CACNB2: variants seen among roughly 807,000 people sequenced by gnomAD.
CACNB2 encodes the protein voltage-dependent L-type calcium channel subunit beta-2.
A neutral mutation model predicts 73.3 loss-of-function variants in CACNB2; 42 were observed. The observed-to-expected ratio is 0.57, with a 90% CI of 0.45 to 0.74. CACNB2 has a LOEUF of 0.74. CACNB2 is among the 30% of genes least tolerant of loss of function. The pLI, the probability that CACNB2 is intolerant of heterozygous loss-of-function variation, is 0.00. For synonymous variants in CACNB2, 348 were observed against 310.3 expected, an observed-to-expected ratio of 1.12 and a Z score of -1.28; for missense variants, 940 against 853.0, an observed-to-expected ratio of 1.10 and a Z score of -1.27.
Position 18,140,619 on chromosome 10 carries a change from G to C in CACNB2, c.-118G>C. 3.7e-6 allele frequency: 3 copies of C among 813,444 alleles called. No individual in the cohort carries two copies. The South Asian group carries it at 5.5e-5, about 15-fold the overall frequency. 50.4% of individuals were successfully genotyped at this position (813,444 alleles called of 1,614,324 possible). A position where few individuals can be genotyped will look rare whatever the true frequency, so the allele number is the denominator to read the frequency against. ...GCTGCGGGGCGCTGCGCCGAGAACG[G>C]CCGGGCCTGAGCCCTGGGCGGCCCC... On this transcript the variant is annotated 5_prime_UTR_variant, in exon 1 of 14. Transcript: ENST00000324631.
chr10:18,173,428 C>T (rs1048297197), intron 2 of CACNB2, among the ~76,000 whole-genome samples: 3 of 152,178 alleles, frequency 2.0e-5, no homozygotes, highest in African/African-American at 7.2e-5. Flanking sequence ...ACTAATAAAA[C>T]ATCCAGGCCG....
chr10:18,191,729 AG>A (rs1326628003), intron 2 of CACNB2, among the ~76,000 whole-genome samples: 1 of 152,200 alleles, frequency 6.6e-6, no homozygotes, highest in African/African-American at 2.4e-5. Context: ...TGAGAATAAT[AG>A]TCTCTAATCT....
At chr10:18,289,134 A>G (rs1293933580) in intron 2 of CACNB2, among the ~76,000 whole-genome samples, 2 of 152,132 alleles carry the variant, frequency 1.3e-5, no homozygotes, top group Non-Finnish European at 1.5e-5. Flanking sequence ...TAAAAATTTC[A>G]TATCTGCAAC....
intron 2 of CACNB2, among the ~76,000 whole-genome samples, chr10:18,215,275 G>A (rs1437816082): frequency 3.9e-5 from 6 of 152,076 alleles, no homozygotes; most frequent in African/African-American, 7.2e-5. Context: ...TTGAAAGTAC[G>A]TCACATTCAT....
intron 2 of CACNB2, among the ~76,000 whole-genome samples, chr10:18,243,821 C>T (rs952593072): frequency 6.6e-6 from 1 of 152,158 alleles, no homozygotes; most frequent in Non-Finnish European, 1.5e-5. Flanking sequence ...TTGGACTTTC[C>T]AACCACCAGA....
rs535148888 is a variant in CACNB2, at chr10:18,402,661, G to A, written c.333+618G>A. Reference sequence around the variant, plus strand: ...GCAGCTATGAAATAGATAGTTACAGGATTCATCTCAGGCCATGTCTCATTT... The same window carrying A: ...GCAGCTATGAAATAGATAGTTACAGAATTCATCTCAGGCCATGTCTCATTT... On this transcript the variant is annotated intron_variant, in intron 3 of 13. Coordinates refer to ENST00000324631, the MANE Select transcript of CACNB2 (RefSeq NM_201596.3). Among the ~76,000 whole-genome samples, 10 of 152,286 alleles carry A rather than the reference G, an allele frequency of 6.6e-5. 1 individual carries two copies. In the South Asian group the frequency reaches 1.9e-3, roughly 28 times the overall value.
At position 18,259,564 on chromosome 10, in the gene CACNB2, CA is replaced by C. The variant is rs1175522949; in HGVS notation, c.213+108600del. 6.7e-3 allele frequency among the ~76,000 whole-genome samples: 841 copies of C among 124,658 alleles called. 43 individuals carry two copies. Among genetic ancestry groups the C allele is most frequent in the African/African-American group, 0.023 (729 of 31,918 alleles). The allele number at this position is 124,658 out of a possible 152,430, so 81.8% of individuals were successfully genotyped here. A position where few individuals can be genotyped will look rare whatever the true frequency, so the allele number is the denominator to read the frequency against. On this transcript the variant is annotated intron_variant, in intron 2 of 13. Transcript: ENST00000324631. Reference sequence around the variant, plus strand: ...TACTGAAAAAAAAACAAAAAACAAACAAAAAAAAAAAGTAAAAGTAGCCAGG... The same window carrying C: ...TACTGAAAAAAAAACAAAAAACAAACAAAAAAAAAAGTAAAAGTAGCCAGG...
chr10:18,345,050 GTCC>G (rs1188478716), intron 2 of CACNB2, among the ~76,000 whole-genome samples: 1 of 152,166 alleles, frequency 6.6e-6, no homozygotes, highest in Non-Finnish European at 1.5e-5. Flanking sequence ...GCCATTGATT[GTCC>G]AATAAAATGG....
In CACNB2 at chr10:18,355,952, C is replaced by G. The variant is rs142465994; in HGVS notation, c.214-45972C>G. Among the ~76,000 whole-genome samples, 387 of 152,124 alleles carry G rather than the reference C, an allele frequency of 2.5e-3. 1 individual carries two copies. Among genetic ancestry groups the G allele is most frequent in the African/African-American group, 8.8e-3 (366 of 41,510 alleles). ...TGCCCGGCCTCTGATTTTTTATTCT[C>G]CTCTGTAATGTCCGAGTCAACTAAC... On this transcript the variant is annotated intron_variant, in intron 2 of 13. Transcript: ENST00000324631.
chr10:18,478,308 A>G lies in CACNB2; in HGVS notation c.334-20047A>G, dbSNP rs551157485. 5.9e-5 allele frequency among the ~76,000 whole-genome samples: 9 copies of G among 152,220 alleles called. 1 individual carries two copies. The South Asian group carries it at 1.9e-3, about 32-fold the overall frequency. On this transcript the variant is annotated intron_variant, in intron 3 of 13. Transcript: ENST00000324631. ...CATTCTGGAAAACCACCAGGGTAGA[A>G]CCCTGACTTCTATTTGACCACAGCT... is the stretch of plus-strand genomic sequence containing the variant.
intron 2 of CACNB2, among the ~76,000 whole-genome samples, chr10:18,342,884 G>A (rs2041290849): frequency 6.6e-6 from 1 of 152,028 alleles, no homozygotes; most frequent in Non-Finnish European, 1.5e-5. Context: ...TGGGATAGTT[G>A]TTTAGAATGC....
rs114630073 is a variant in CACNB2 at position 18,439,897 on chromosome 10, C to T, written c.333+37854C>T. Among the ~76,000 whole-genome samples, 564 of 152,212 alleles carry T rather than the reference C, an allele frequency of 3.7e-3. 3 individuals carry two copies. The highest frequency in any genetic ancestry group is 0.013 in the African/African-American group (520 of 41,538). ...CCGTCAGTAGGATTACAGTCTAGCTCGGAGAAATAGGCCACATGCAAATAT... is the reference window on the plus strand; with the variant it reads ...CCGTCAGTAGGATTACAGTCTAGCTTGGAGAAATAGGCCACATGCAAATAT... On this transcript the variant is annotated intron_variant, in intron 3 of 13. Coordinates refer to ENST00000324631, the MANE Select transcript of CACNB2 (RefSeq NM_201596.3).
chr10:18,345,801 T>A (rs1439945709), intron 2 of CACNB2, among the ~76,000 whole-genome samples: 1 of 152,222 alleles, frequency 6.6e-6, no homozygotes, highest in East Asian at 1.9e-4. Flanking sequence ...AGTCACAGGA[T>A]TAAACCTCAG....
At chr10:18,519,710 T>C (rs1476084541) in intron 9 of CACNB2, 1 of 456,182 alleles carries the variant, frequency 2.2e-6, no homozygotes, top group Non-Finnish European at 4.4e-6. Flanking sequence ...TTTTCTTTTC[T>C]TTACAGGAAG....
chr10:18,356,197 T>C (rs1411342501), intron 2 of CACNB2, among the ~76,000 whole-genome samples: 1 of 152,140 alleles, frequency 6.6e-6, no homozygotes, highest in East Asian at 1.9e-4. Context: ...GAAGCTGCCA[T>C]AGGCTGGGCC....
chr10:18,193,100 T>C (rs1287390890), intron 2 of CACNB2, among the ~76,000 whole-genome samples: 2 of 152,200 alleles, frequency 1.3e-5, no homozygotes, highest in African/African-American at 2.4e-5. Flanking sequence ...TTTTGATACA[T>C]TTGAATACAA....
At chr10:18,509,756 C>T (rs1366197521) in intron 6 of CACNB2, among the ~76,000 whole-genome samples, 1 of 152,084 alleles carries the variant, frequency 6.6e-6, no homozygotes, top group Non-Finnish European at 1.5e-5. Flanking sequence ...TGTCACTGCA[C>T]TCCAGCCTGG....
chr10:18,364,703 G>A (rs1204051259), intron 2 of CACNB2, among the ~76,000 whole-genome samples: 1 of 152,020 alleles, frequency 6.6e-6, no homozygotes, highest in Non-Finnish European at 1.5e-5. Context: ...TACCTCTGAC[G>A]TGCATTTGTT....
intron 2 of CACNB2, among the ~76,000 whole-genome samples, chr10:18,219,469 A>G (rs190447928): frequency 6.2e-4 from 94 of 152,322 alleles, no homozygotes; most frequent in Non-Finnish European, 9.8e-4. Flanking sequence ...ATATAGTTCT[A>G]GAGAATTCTT....
Sources: allele counts gnomAD v4.1 joint callset (sites outside exome capture counted in the v4.1 genomes callset), GRCh38; gene constraint gnomAD v4.1.1; transcripts MANE v1.5; gene names NCBI Gene and HGNC (gene_info 2026-07-23, HGNC 2026-07-21).